The following CDC42BPG variants were observed in gnomAD, a reference collection of about 807,000 sequenced individuals.
The protein encoded by CDC42BPG is CDC42 binding protein kinase gamma.
CDC42BPG carries 157 observed loss-of-function variants against 192.2 expected under a neutral mutation model. The ratio of observed to expected loss-of-function variants is 0.82; its 90% CI spans 0.72 to 0.93. The LOEUF is 0.93. Ranked by LOEUF, CDC42BPG falls within the 40% of genes least tolerant of loss-of-function variation. CDC42BPG has a pLI of 0.00. For synonymous variants in CDC42BPG, 981 were observed against 918.5 expected (o/e 1.07, Z -1.23); for missense variants, 1,992 against 2,122.1 (o/e 0.94, Z 1.20).
At chr11:64,844,083 C>T (rs1943397704) in intron 1 of CDC42BPG, among the ~76,000 whole-genome samples, 2 of 152,050 alleles carry the variant, frequency 1.3e-5, no homozygotes, top group Admixed American at 1.3e-4. Flanking sequence ...TCAGGTGTGG[C>T]CTGTAAGCAA....
In CDC42BPG at chr11:64,827,075, C is replaced by T; in HGVS notation, c.4364G>A (p.Arg1455Gln). 1.9e-6 allele frequency: 3 copies of T among 1,613,142 alleles called. No individual in the cohort carries two copies. Among genetic ancestry groups the T allele is most frequent in the Non-Finnish European group, 2.5e-6 (3 of 1,179,170 alleles). The change falls in exon 34 of 37, where the codon CGG becomes CAG. Residue 1455 changes from arginine (R) to glutamine (Q), a missense_variant. Transcript: ENST00000342711. ...HLVHVGPANG[R>Q]PGARDKSPAP... ...CGGGGACTTGTCCCTGGCGCCGGGC[C>T]GCCCGTTGGCAGGGCCCACGTGTAC...
chr11:64,842,021 AG>A (rs2136416021), intron 1 of CDC42BPG, 117 bp from the exon 2 acceptor site: 2 of 784,406 alleles, frequency 2.5e-6, no homozygotes, highest in South Asian at 3.0e-5. Context: ...TGACCTCCCC[AG>A]GGACAGCCTC....
At chr11:64,841,560 C>T (rs566420962) in intron 3 of CDC42BPG, 90 bp downstream of exon 3, 53 of 1,068,654 alleles carry the variant, frequency 5.0e-5, no homozygotes, top group Non-Finnish European at 6.5e-5. Context: ...CAGCCTTGCC[C>T]GCCCCCCCCG....
chr11:64,827,603 G>T lies in CDC42BPG; in HGVS notation c.4074C>A (p.Pro1358=). 1 of 1,608,682 alleles carries T rather than the reference G, an allele frequency of 6.2e-7. No homozygotes were observed. The highest frequency in any genetic ancestry group is 8.5e-7 in the Non-Finnish European group (1 of 1,176,228). ...GGAACAGGGAGCCCTCTGGATTGAG[G>T]GGCCGCACCTGAGGCAGCAGGCACA... ...VQTVPLKKVR[P]LNPEGSLFLY... is the part of the protein sequence containing the mutation. The change falls in exon 32 of 37, where the codon CCC becomes CCA. Residue 1358 remains proline (P), a synonymous_variant. Transcript: ENST00000342711.
Position 64,833,777 on chromosome 11 carries a change from T to G in CDC42BPG, c.2526A>C (p.Pro842=). The change falls in exon 22 of 37, where the codon CCA becomes CCC. Residue 842 remains proline (P), a synonymous_variant. Transcript: ENST00000342711. The stretch of plus-strand genomic sequence containing the variant: ...TGCGTCGGCCCTCCGGCCTCAGATC[T>G]GGCTCTCCTCCATGCCTTGTGGCCT... ...SGEATRHGGE[P]DLRPEGRRSL... is the part of the protein sequence containing the mutation. 6.2e-7 allele frequency: 1 copy of G among 1,614,226 alleles called. No homozygotes were observed. The highest frequency in any genetic ancestry group is 8.5e-7 in the Non-Finnish European group (1 of 1,180,034).
intron 20 of CDC42BPG, 130 bp from the exon 21 acceptor site, chr11:64,834,107 G>T: frequency 1.4e-6 from 2 of 1,443,290 alleles, no homozygotes; most frequent in Non-Finnish European, 1.9e-6. Flanking sequence ...GGCACAGCAG[G>T]CACTCCAGAA....
intron 1 of CDC42BPG, 48 bp downstream of exon 1, chr11:64,844,362 C>T: frequency 7.5e-7 from 1 of 1,336,132 alleles, no homozygotes; most frequent in African/African-American, 1.5e-5. Context: ...GGGGTCTCGG[C>T]GCGATATCCC....
intron 30 of CDC42BPG, among the ~76,000 whole-genome samples, chr11:64,828,490 G>C (rs1942537221): frequency 6.6e-6 from 1 of 152,224 alleles, no homozygotes; most frequent in Non-Finnish European, 1.5e-5. Flanking sequence ...GAGAAGGAAA[G>C]GACCAATGAC....
intron 27 of CDC42BPG, 58 bp from the exon 28 acceptor site, chr11:64,831,779 CT>C: frequency 6.8e-7 from 1 of 1,464,602 alleles, no homozygotes. Flanking sequence ...TCCTCCCTCC[CT>C]TCCTGCCTCC....
rs1491445919 is a variant in CDC42BPG at position 64,836,707 on chromosome 11, G to GGA, written c.1384+31_1384+32insTC. On this transcript the variant is annotated intron_variant, in intron 11 of 36. Coordinates refer to ENST00000342711, the MANE Select transcript of CDC42BPG (RefSeq NM_017525.3). Reference sequence around the variant, plus strand: ...CCGAGCCCAGGTGGGACTCAGCCCTGGGGGGGGGGGGGGGGTGGGCGGAAG... The same window carrying GGA: ...CCGAGCCCAGGTGGGACTCAGCCCTGGAGGGGGGGGGGGGGGGTGGGCGGAAG... 4.0e-4 allele frequency: 241 copies of GGA among 603,682 alleles called. 3 individuals carry two copies. The South Asian group carries it at 4.1e-3, about 10-fold the overall frequency. 37.4% of individuals were successfully genotyped at this position (603,682 alleles called of 1,614,324 possible).
At position 64,829,918 on chromosome 11, in the gene CDC42BPG, G is replaced by A. The variant is rs771371577; in HGVS notation, c.3520C>T (p.Pro1174Ser). Residue 1174 changes from proline (P) to serine (S), a missense_variant, in exon 30 of 37, where the codon CCC (proline) becomes TCC (serine). Pro to Ser is a moderately conservative substitution (Grantham distance 74). This residue lies in a region of CDC42BPG where 1,656 missense variants were observed against 1,844.3 expected (regional missense o/e 0.90). Coordinates refer to ENST00000342711, the MANE Select transcript of CDC42BPG (RefSeq NM_017525.3). ...AGCACCTGGCAGCCTCGAGACTCGGGGATCTTGGCACCTGCTACCTCTATG... is the reference window on the plus strand; with the variant it reads ...AGCACCTGGCAGCCTCGAGACTCGGAGATCTTGGCACCTGCTACCTCTATG... ...ENIEVAGAKI[P>S]ESRGCQVLAA... The A allele has an allele frequency of 3.1e-6, 5 of 1,610,800 alleles. No individual in the cohort carries two copies. Among genetic ancestry groups the A allele is most frequent in the Non-Finnish European group, 4.2e-6 (5 of 1,179,006 alleles).
chr11:64,841,557 G>T, intron 3 of CDC42BPG, 93 bp downstream of exon 3: 1 of 1,030,746 alleles, frequency 9.7e-7, no homozygotes. Flanking sequence ...CTGCAGCCTT[G>T]CCCGCCCCCC....
intron 36 of CDC42BPG, 143 bp downstream of exon 36, chr11:64,826,327 G>A: frequency 3.0e-6 from 2 of 662,938 alleles, no homozygotes; most frequent in Non-Finnish European, 5.5e-6. Flanking sequence ...GGGTGAGACA[G>A]GTAAGAATCT....
chr11:64,827,652 C>T (rs781713862), intron 31 of CDC42BPG, 34 bp downstream of exon 31: 2 of 1,605,506 alleles, frequency 1.2e-6, no homozygotes, highest in South Asian at 2.2e-5. Flanking sequence ...GCCTCCACCC[C>T]CGGCGCTACC....
rs1257092189 is a variant in CDC42BPG, at chr11:64,831,584, G to A, written c.3225C>T (p.Pro1075=). ...QRLLLDARPR[P]RPVYTLKEAY... ...CCTCCTTGAGTGTGTACACGGGCCG[G>A]GGTCTTGGCCGCGCGTCCAGCAGCA... is the stretch of plus-strand genomic sequence containing the variant. The change falls in exon 28 of 37, where the codon CCC becomes CCT. Residue 1075 remains proline (P), a synonymous_variant. Transcript: ENST00000342711. 3.7e-6 allele frequency: 6 copies of A among 1,612,516 alleles called. No individual in the cohort carries two copies. The highest frequency in any genetic ancestry group is 4.5e-5 in the East Asian group (2 of 44,886).
intron 3 of CDC42BPG, among the ~76,000 whole-genome samples, chr11:64,841,324 G>T (rs1205743738): frequency 6.8e-6 from 1 of 146,838 alleles, no homozygotes; most frequent in Non-Finnish European, 1.5e-5. Flanking sequence ...GTGGTGGCAG[G>T]TGCCTGTAAT....
Position 64,834,954 on chromosome 11 carries a change from A to G in CDC42BPG, c.2070T>C (p.Asp690=). 1 of 1,614,008 alleles carries G rather than the reference A, an allele frequency of 6.2e-7. No individual in the cohort carries two copies. Among genetic ancestry groups the G allele is most frequent in the Non-Finnish European group, 8.5e-7 (1 of 1,179,978 alleles). Residue 690 remains aspartate (D), a synonymous_variant, in exon 18 of 37, where the codon GAT becomes GAC. Transcript: ENST00000342711. ...GCAGGTAGCCTCTTGAGACCTTCTC[A>G]TCATTCACCCTGAATGGGAAGGGGC... ...QLADILSWVN[D]EKVSRGYLQA... is the part of the protein sequence containing the mutation.
intron 3 of CDC42BPG, among the ~76,000 whole-genome samples, chr11:64,841,005 G>A (rs1039916591): frequency 4.6e-5 from 7 of 151,954 alleles, no homozygotes; most frequent in Non-Finnish European, 8.8e-5. Context: ...AAGAAACTTA[G>A]CTGGGTGTCG....
At chr11:64,839,372 T>C in intron 6 of CDC42BPG, 106 bp downstream of exon 6, 1 of 1,493,654 alleles carries the variant, frequency 6.7e-7, no homozygotes. Context: ...TCACCCACCT[T>C]CCCCGGGGGG....
Sources: allele counts gnomAD v4.1 joint callset (sites outside exome capture counted in the v4.1 genomes callset), GRCh38; gene constraint gnomAD v4.1.1; regional missense constraint gnomAD v4.1.1; transcripts MANE v1.5; gene names NCBI Gene and HGNC (gene_info 2026-07-23, HGNC 2026-07-21).